The following DRC3 variants were observed in gnomAD, a reference collection of about 807,000 sequenced individuals.
DRC3 encodes dynein regulatory complex subunit 3.
DRC3 carries 45 observed loss-of-function variants against 57.6 expected under a neutral mutation model. That is an observed-to-expected ratio of 0.78 (90% CI 0.62 to 1.00). DRC3 has a LOEUF of 1.00. Ranked by LOEUF, DRC3 falls within the 50% of genes least tolerant of loss-of-function variation. The pLI, the probability that DRC3 is intolerant of heterozygous loss-of-function variation, is 0.00. For missense variants in DRC3, 655 were observed against 675.2 expected, an observed-to-expected ratio of 0.97 and a Z score of 0.33; for synonymous variants, 257 against 272.3, an observed-to-expected ratio of 0.94 and a Z score of 0.55.
At chr17:18,010,475 A>G (rs2044130037) in intron 12 of DRC3, among the ~76,000 whole-genome samples, 1 of 152,194 alleles carries the variant, frequency 6.6e-6, no homozygotes, top group Non-Finnish European at 1.5e-5. Context: ...AAAAAATCCT[A>G]CAATTTAGAA....
chr17:18,006,337 C>A (rs1407672051), intron 11 of DRC3, 84 bp downstream of exon 11: 5 of 1,014,960 alleles, frequency 4.9e-6, no homozygotes, highest in Non-Finnish European at 7.6e-6. Context: ...AAAGAATGTT[C>A]CACAGGGTCT....
At chr17:17,996,873 G>A (rs913399666) in intron 8 of DRC3, among the ~76,000 whole-genome samples, 2 of 152,170 alleles carry the variant, frequency 1.3e-5, no homozygotes, top group Admixed American at 6.5e-5. Context: ...CAAGGACTCC[G>A]TGTCGCAGGC....
At position 17,994,373 on chromosome 17, in the gene DRC3, GC is replaced by G. The variant is rs746009389; in HGVS notation, c.667del (p.Leu223TrpfsTer11). On this transcript the variant is annotated frameshift_variant, in exon 7 of 14. Coordinates refer to ENST00000399187, the MANE Select transcript of DRC3 (RefSeq NM_031294.4). LOFTEE classifies it high-confidence loss of function. The part of the protein sequence containing the change: ...KHQENLMQAQ[L>X]EDEQAQREEL... The stretch of plus-strand genomic sequence containing the variant: ...ACCAGGAGAACCTGATGCAGGCCCA[GC>G]TGGAGGACGAGCAGGCGCAGCGGGA... The G allele has an allele frequency of 4.5e-6, 7 of 1,555,180 alleles. No individual in the cohort carries two copies. Among genetic ancestry groups the G allele is most frequent in the Non-Finnish European group, 2.6e-6 (3 of 1,149,440 alleles).
intron 2 of DRC3, among the ~76,000 whole-genome samples, chr17:17,975,439 T>G (rs1182004158): frequency 1.3e-5 from 2 of 151,906 alleles, no homozygotes; most frequent in Non-Finnish European, 2.9e-5. Context: ...CTTGATCTCC[T>G]GACCTTGTGA....
At chr17:18,000,289 A>C (rs2043667470) in intron 9 of DRC3, among the ~76,000 whole-genome samples, 1 of 103,776 alleles carries the variant, frequency 9.6e-6, no homozygotes, top group African/African-American at 4.0e-5. Flanking sequence ...CTTGCTCTGT[A>C]CTTTGCTTTC....
chr17:18,007,247 C>T lies in DRC3; in HGVS notation c.1326+100C>T. The stretch of plus-strand genomic sequence containing the variant: ...AGTAAGCCTGACAACCTCCCAGAGC[C>T]TCAGTGTTCTCATCTGCAAAAGGGC... On this transcript the variant is annotated intron_variant, in intron 12 of 13. Coordinates refer to ENST00000399187, the MANE Select transcript of DRC3 (RefSeq NM_031294.4). 3 of 776,218 alleles carry T rather than the reference C, an allele frequency of 3.9e-6. No individual in the cohort carries two copies. The South Asian group carries it at 5.4e-5, about 14-fold the overall frequency. The allele number at this position is 776,218 out of a possible 1,614,324, so 48.1% of individuals were successfully genotyped here. A position where few individuals can be genotyped will look rare whatever the true frequency, so the allele number is the denominator to read the frequency against.
chr17:17,975,667 G>C (rs1221717641), intron 2 of DRC3, among the ~76,000 whole-genome samples: 4 of 152,196 alleles, frequency 2.6e-5, no homozygotes, highest in Non-Finnish European at 5.9e-5. Context: ...AGAGGCCGAG[G>C]TCTGGAACTG....
chr17:17,988,835 C>G (rs938179632), intron 5 of DRC3, among the ~76,000 whole-genome samples: 43 of 152,152 alleles, frequency 2.8e-4, no homozygotes, highest in African/African-American at 9.4e-4. Context: ...GTATGTAAGT[C>G]TGTCCAGCAG....
intron 9 of DRC3, among the ~76,000 whole-genome samples, chr17:18,003,185 T>C (rs927423519): frequency 3.3e-5 from 5 of 152,048 alleles, no homozygotes; most frequent in African/African-American, 9.7e-5. Flanking sequence ...CTCCCTCTGA[T>C]GATAAGAATG....
At chr17:17,995,227 A>T (rs2043409493) in intron 8 of DRC3, 116 bp downstream of exon 8, 10 of 707,694 alleles carry the variant, frequency 1.4e-5, no homozygotes, top group Non-Finnish European at 1.9e-5. Context: ...TTGGGAGGTA[A>T]AATCTCCACT....
At chr17:17,999,858 G>A (rs1394720185) in intron 9 of DRC3, among the ~76,000 whole-genome samples, 1 of 152,252 alleles carries the variant, frequency 6.6e-6, no homozygotes, top group East Asian at 1.9e-4. Context: ...TGTGCACATG[G>A]CACAGCCTGA....
chr17:17,992,833 A>G lies in DRC3; in HGVS notation c.513A>G (p.Ala171=), dbSNP rs181954219. Residue 171 remains alanine (A), a synonymous_variant, in exon 6 of 14, where the codon GCA becomes GCG. Coordinates refer to ENST00000399187, the MANE Select transcript of DRC3 (RefSeq NM_031294.4). ...TCTCTAGGAACCCTATCTCTGAGGC[A>G]GAGGATTACAAGATGTTCATCTGTG... ...LSLSRNPISE[A]EDYKMFICAY... is the part of the protein sequence containing the mutation. The G allele has an allele frequency of 5.9e-4, 954 of 1,613,966 alleles. 15 individuals carry two copies. The East Asian group carries it at 0.02, about 34-fold the overall frequency.
chr17:18,000,622 G>A (rs540118377), intron 9 of DRC3, among the ~76,000 whole-genome samples: 2 of 152,222 alleles, frequency 1.3e-5, no homozygotes, highest in South Asian at 2.1e-4. Context: ...CCTAGAAGTG[G>A]AACTGTGCAT....
rs558466497 is a variant in DRC3 at position 18,016,379 on chromosome 17, A to G, written c.1459-179A>G. On this transcript the variant is annotated intron_variant, in intron 13 of 13. Transcript: ENST00000399187. ...AGAGACTTTAAAACCCATGGGCTTC[A>G]TCATTTTCCTAATTCCTACCTCAAA... The G allele has an allele frequency of 1.6e-4, 127 of 816,818 alleles. No individual in the cohort carries two copies. In the South Asian group the frequency reaches 1.7e-3, roughly 11 times the overall value. The allele number at this position is 816,818 out of a possible 1,614,324, so 50.6% of individuals were successfully genotyped here. A position where few individuals can be genotyped will look rare whatever the true frequency, so the allele number is the denominator to read the frequency against.
chr17:18,015,823 T>A, intron 12 of DRC3: 1 of 447,442 alleles, frequency 2.2e-6, no homozygotes, highest in South Asian at 3.3e-5. Context: ...CAGCGGGGAC[T>A]GCAAAGTAAC....
chr17:17,986,187 T>A (rs1323962440), intron 4 of DRC3, among the ~76,000 whole-genome samples: 1 of 152,194 alleles, frequency 6.6e-6, no homozygotes, highest in African/African-American at 2.4e-5. Context: ...GCCGGGATTA[T>A]AGGCGTGAGC....
At chr17:18,003,809 A>ATT (rs200063548) in intron 9 of DRC3, among the ~76,000 whole-genome samples, 14 of 139,016 alleles carry the variant, frequency 1.0e-4, no homozygotes, top group African/African-American at 3.7e-4. Flanking sequence ...TGCCTGGCTA[A>ATT]TTTTTTTTTT....
chr17:17,977,957 T>C (rs2042466462), intron 3 of DRC3, 199 bp downstream of exon 3: 2 of 499,704 alleles, frequency 4.0e-6, no homozygotes, highest in Admixed American at 7.5e-5. Flanking sequence ...ATCATTTGAA[T>C]ATCCACGACG....
Position 17,983,229 on chromosome 17 carries a change from C to T in DRC3, c.161-599C>T, listed in dbSNP as rs74863242. The stretch of plus-strand genomic sequence containing the variant: ...ACTTATCTCATCCCCTACGTATGGA[C>T]ATTTGGGAGCTTTTCTGCCCCTTAC... On this transcript the variant is annotated intron_variant, in intron 3 of 13. Transcript: ENST00000399187. 5.5e-3 allele frequency among the ~76,000 whole-genome samples: 830 copies of T among 152,270 alleles called. 10 individuals are homozygous for T. The highest frequency in any genetic ancestry group is 0.019 in the African/African-American group (780 of 41,546).
Sources: gnomAD v4.1 joint callset for allele counts (sites outside exome capture counted in the v4.1 genomes callset) on GRCh38, gnomAD v4.1.1 for gene constraint, MANE v1.5 for transcripts, NCBI Gene and HGNC (gene_info 2026-07-23, HGNC 2026-07-21) for gene names.